Variants in GDAP2 observed in about 807,000 individuals in gnomAD.
GDAP2 encodes ganglioside induced differentiation associated protein 2.
In GDAP2, 51 loss-of-function variants were observed where a neutral mutation model predicts 67.0. The ratio of observed to expected loss-of-function variants is 0.76; its 90% CI spans 0.61 to 0.96. GDAP2 has a LOEUF of 0.96. GDAP2 is among the 40% of genes least tolerant of loss of function. The probability of loss-of-function intolerance (pLI) is 0.00; values close to 1 mark genes in which losing one functional copy is unlikely to be tolerated. For missense variants in GDAP2, 547 were observed against 588.3 expected, an observed-to-expected ratio of 0.93 and a Z score of 0.73; for synonymous variants, 203 against 207.3, an observed-to-expected ratio of 0.98 and a Z score of 0.18.
chr1:117,884,373 C>A (rs78610111), intron 10 of GDAP2, among the ~76,000 whole-genome samples: 43 of 152,128 alleles, frequency 2.8e-4, no homozygotes, highest in African/African-American at 1.0e-3. Context: ...CCAGTATGAC[C>A]CAGTGGTTTA....
chr1:117,912,631 C>A lies in GDAP2; in HGVS notation c.369G>T (p.Arg123=), dbSNP rs781612250. The A allele has an allele frequency of 1.1e-5, 18 of 1,613,436 alleles. No individual in the cohort carries two copies. Among genetic ancestry groups the A allele is most frequent in the Non-Finnish European group, 1.4e-5 (17 of 1,179,580 alleles). The change falls in exon 4 of 14, where the codon CGG becomes CGT. Residue 123 remains arginine, a synonymous_variant. Transcript: ENST00000369443. ...KLTKGFNLAA[R]FIIHTVGPKY... is the part of the protein sequence containing the mutation. ...TAGGTCCCACTGTGTGAATGATGAA[C>A]CGGGCAGCTAGATTGAATCCTTTTG...
intron 12 of GDAP2, among the ~76,000 whole-genome samples, 169 bp from the exon 13 acceptor site, chr1:117,878,321 A>G (rs966123539): frequency 6.6e-6 from 1 of 152,340 alleles, no homozygotes; most frequent in South Asian, 2.1e-4. Context: ...TTGATTATTA[A>G]TAACATTAAA....
intron 1 of GDAP2, among the ~76,000 whole-genome samples, chr1:117,922,105 GT>G (rs921025146): frequency 6.6e-6 from 1 of 152,092 alleles, no homozygotes; most frequent in African/African-American, 2.4e-5. Flanking sequence ...ATGACCAAGT[GT>G]TTATGTCAAA....
At chr1:117,885,801 TATC>T (rs1012535276) in intron 10 of GDAP2, among the ~76,000 whole-genome samples, 1 of 152,194 alleles carries the variant, frequency 6.6e-6, no homozygotes, top group African/African-American at 2.4e-5. Context: ...CAGTTAAAGT[TATC>T]ATCCTTTGAA....
chr1:117,914,527 T>C (rs1378356507), intron 3 of GDAP2, among the ~76,000 whole-genome samples: 3 of 152,026 alleles, frequency 2.0e-5, no homozygotes, highest in Non-Finnish European at 2.9e-5. Flanking sequence ...AAGGAAATTA[T>C]TAATGAAATA....
chr1:117,874,061 C>G (rs1445577929), intron 13 of GDAP2, among the ~76,000 whole-genome samples: 1 of 152,204 alleles, frequency 6.6e-6, no homozygotes, highest in African/African-American at 2.4e-5. Flanking sequence ...GACTACAAAG[C>G]CAAAGACCTG....
At chr1:117,876,505 T>C (rs1648460108) in intron 13 of GDAP2, among the ~76,000 whole-genome samples, 1 of 152,248 alleles carries the variant, frequency 6.6e-6, no homozygotes, top group South Asian at 2.1e-4. Context: ...CTTTTGTTTC[T>C]TCCCCATTTT....
At chr1:117,923,266 G>A (rs985303478) in intron 1 of GDAP2, among the ~76,000 whole-genome samples, 13 of 152,324 alleles carry the variant, frequency 8.5e-5, no homozygotes, top group African/African-American at 3.1e-4. Flanking sequence ...CTCAGCTTAT[G>A]AAGATGACAG....
At chr1:117,878,180 T>A (rs1648530196) in intron 12 of GDAP2, 28 bp from the exon 13 acceptor site, 1 of 1,251,904 alleles carries the variant, frequency 8.0e-7, no homozygotes, top group Non-Finnish European at 1.1e-6. Context: ...AAAAATAATT[T>A]AAGCTAGTTG....
In GDAP2 at chr1:117,865,012, A is replaced by G. The variant is rs1323493444; in HGVS notation, c.*5557T>C. 1 of 152,182 alleles carries G rather than the reference A, an allele frequency of 6.6e-6. No homozygotes were observed. The highest frequency in any genetic ancestry group is 1.9e-4 in the East Asian group (1 of 5,200). The allele number at this position is 152,182 out of a possible 1,614,324, so 9.4% of individuals were successfully genotyped here. On this transcript the variant is annotated 3_prime_UTR_variant, in exon 14 of 14. Transcript: ENST00000369443. ...CTAACTATGGTCTGGGGACCAGGAG[A>G]ATTGATAACACCTAAGAGCTTGTTA...
chr1:117,899,981 T>C (rs2101139803), intron 6 of GDAP2, among the ~76,000 whole-genome samples: 1 of 152,338 alleles, frequency 6.6e-6, no homozygotes, highest in East Asian at 1.9e-4. Context: ...CATTTTCATA[T>C]TGTGTTGCCC....
intron 12 of GDAP2, among the ~76,000 whole-genome samples, chr1:117,879,552 T>C (rs923633245): frequency 1.3e-5 from 2 of 152,166 alleles, no homozygotes; most frequent in Admixed American, 6.6e-5. Context: ...CGTCAGGTAA[T>C]GTTTTAAGTA....
intron 13 of GDAP2, 42 bp from the exon 14 acceptor site, chr1:117,870,658 C>T (rs747186794): frequency 2.1e-5 from 27 of 1,258,006 alleles, no homozygotes; most frequent in Non-Finnish European, 2.9e-5. Flanking sequence ...AGTAACAGAA[C>T]CAATTTAACT....
At chr1:117,922,976 T>A (rs1227034665) in intron 1 of GDAP2, among the ~76,000 whole-genome samples, 4 of 152,224 alleles carry the variant, frequency 2.6e-5, no homozygotes, top group Admixed American at 1.3e-4. Context: ...CCCCTGGGAA[T>A]GCATTCTTTT....
At position 117,920,271 on chromosome 1, in the gene GDAP2, G is replaced by A; in HGVS notation, c.87C>T (p.Ser29=). 6.2e-7 allele frequency: 1 copy of A among 1,602,526 alleles called. No homozygotes were observed. The change falls in exon 2 of 14, where the codon TCC becomes TCT. Residue 29 remains serine, a synonymous_variant. Coordinates refer to ENST00000369443, the MANE Select transcript of GDAP2 (RefSeq NM_017686.4). ...WGDSCQDELN[S]SDTTAEIFQE... is the part of the protein sequence containing the mutation. The stretch of plus-strand genomic sequence containing the variant: ...GAAATATTTCAGCTGTAGTATCAGA[G>A]GAATTTAATTCATCTTGGCATGAGT...
chr1:117,865,626 AATGT>A lies in GDAP2; in HGVS notation c.*4939_*4942del, dbSNP rs1351023719. ...AAAAAAGGTATGACTGTGTATATAA[AATGT>A]ATTAGCTTTACTGTCCAACAAAAGT... On this transcript the variant is annotated 3_prime_UTR_variant, in exon 14 of 14. Coordinates refer to ENST00000369443, the MANE Select transcript of GDAP2 (RefSeq NM_017686.4). 3 of 152,178 alleles carry A rather than the reference AATGT, an allele frequency of 2.0e-5. No homozygotes were observed. The highest frequency in any genetic ancestry group is 7.2e-5 in the African/African-American group (3 of 41,444). The allele number at this position is 152,178 out of a possible 1,614,324, so 9.4% of individuals were successfully genotyped here. A position where few individuals can be genotyped will look rare whatever the true frequency, so the allele number is the denominator to read the frequency against.
chr1:117,923,190 C>T (rs1262980828), intron 1 of GDAP2, among the ~76,000 whole-genome samples: 2 of 152,140 alleles, frequency 1.3e-5, no homozygotes, highest in Non-Finnish European at 2.9e-5. Flanking sequence ...TGTTTAAACA[C>T]ACATGCTCTA....
intron 10 of GDAP2, among the ~76,000 whole-genome samples, chr1:117,885,418 C>CA (rs1321948951): frequency 3.3e-5 from 5 of 151,950 alleles, no homozygotes; most frequent in Non-Finnish European, 5.9e-5. Context: ...TGCTTAAAAA[C>CA]AAAAAACCCA....
At chr1:117,925,369 C>T (rs1650410212) in intron 1 of GDAP2, among the ~76,000 whole-genome samples, 1 of 152,060 alleles carries the variant, frequency 6.6e-6, no homozygotes, top group Non-Finnish European at 1.5e-5. Context: ...AGGAGGATTG[C>T]TTGAGCCCAG....
Sources: allele counts gnomAD v4.1 joint callset (sites outside exome capture counted in the v4.1 genomes callset), GRCh38; gene constraint gnomAD v4.1.1; transcripts MANE v1.5; gene names NCBI Gene and HGNC (gene_info 2026-07-23, HGNC 2026-07-21).